Variants in MAF observed in about 807,000 individuals in gnomAD.
MAF encodes the protein MAF bZIP transcription factor.
A neutral mutation model predicts 22.0 loss-of-function variants in MAF; 10 were observed. The observed-to-expected ratio is 0.45, with a 90% CI of 0.28 to 0.77. The LOEUF is 0.77. MAF is among the 30% of genes least tolerant of loss of function. The pLI is 0.12. For synonymous variants in MAF, 337 were observed against 255.8 expected (o/e 1.32, Z -3.03); for missense variants, 544 against 548.4 (o/e 0.99, Z 0.08).
chr16:79,352,778 T>C, the MAF span, among the ~76,000 whole-genome samples: 44 of 152,236 alleles, frequency 2.9e-4, no homozygotes, highest in African/African-American at 1.0e-3. Flanking sequence ...GTGAATATTA[T>C]AGGATGTTTA....
the MAF span, among the ~76,000 whole-genome samples, chr16:79,381,565 C>T: frequency 6.6e-6 from 1 of 152,196 alleles, no homozygotes; most frequent in Non-Finnish European, 1.5e-5. Flanking sequence ...GCCCTAGATT[C>T]TGATAGATGA....
the MAF span, among the ~76,000 whole-genome samples, chr16:79,308,211 A>T: frequency 5.9e-5 from 9 of 152,246 alleles, no homozygotes; most frequent in African/African-American, 2.2e-4. Context: ...ACGGGTCCAC[A>T]TTGATCATTT....
At chr16:79,547,098 A>G in the MAF span, among the ~76,000 whole-genome samples, 1 of 152,152 alleles carries the variant, frequency 6.6e-6, no homozygotes, top group Non-Finnish European at 1.5e-5. Flanking sequence ...AATCAGACGT[A>G]TCTAGCACTG....
chr16:79,457,865 C>CTT, the MAF span, among the ~76,000 whole-genome samples: 2 of 152,004 alleles, frequency 1.3e-5, no homozygotes, highest in Non-Finnish European at 2.9e-5. Flanking sequence ...TCCACAGCTG[C>CTT]CTCCCACAGT....
chr16:79,233,804 C>G, the MAF span, among the ~76,000 whole-genome samples: 2 of 151,890 alleles, frequency 1.3e-5, no homozygotes, highest in African/African-American at 4.8e-5. Flanking sequence ...CCAGCCTGAC[C>G]AACATGGTGA....
At chr16:79,539,924 C>G in the MAF span, among the ~76,000 whole-genome samples, 3 of 152,160 alleles carry the variant, frequency 2.0e-5, no homozygotes, top group African/African-American at 7.2e-5. Context: ...TGATTTTTAG[C>G]TTTTCCTATA....
chr16:79,571,676 T>C, the MAF span, among the ~76,000 whole-genome samples: 1 of 152,020 alleles, frequency 6.6e-6, no homozygotes, highest in African/African-American at 2.4e-5. Flanking sequence ...CTCTATCCTC[T>C]GCTCTCCTAG....
chr16:79,418,718 G>A, the MAF span, among the ~76,000 whole-genome samples: 1 of 152,242 alleles, frequency 6.6e-6, no homozygotes, highest in Non-Finnish European at 1.5e-5. Flanking sequence ...CCATATGTAA[G>A]GACACAAGGT....
the MAF span, among the ~76,000 whole-genome samples, chr16:79,249,492 CCATCT>C: frequency 1.3e-5 from 2 of 151,892 alleles, no homozygotes; most frequent in Non-Finnish European, 2.9e-5. Flanking sequence ...AGAGAAAGAT[CCATCT>C]TTGGGGAACA....
At chr16:79,347,871 G>T in the MAF span, among the ~76,000 whole-genome samples, 1 of 152,160 alleles carries the variant, frequency 6.6e-6, no homozygotes, top group East Asian at 1.9e-4. Context: ...TGGGTCAAGT[G>T]CAATCACCTT....
At chr16:79,553,887 G>A in the MAF span, among the ~76,000 whole-genome samples, 2 of 152,060 alleles carry the variant, frequency 1.3e-5, no homozygotes, top group Non-Finnish European at 2.9e-5. Flanking sequence ...TCAAGAGCTC[G>A]AGACCAGCCT....
the MAF span, among the ~76,000 whole-genome samples, chr16:79,575,074 T>C: frequency 1.3e-5 from 2 of 151,622 alleles, no homozygotes; most frequent in Non-Finnish European, 2.9e-5. Context: ...CCACTAAAGG[T>C]TCTTGATTCA....
At chr16:79,300,654 C>A in the MAF span, among the ~76,000 whole-genome samples, 1 of 151,686 alleles carries the variant, frequency 6.6e-6, no homozygotes, top group Admixed American at 6.6e-5. Flanking sequence ...AAAATAAAAA[C>A]CAAATCAATT....
At chr16:79,334,540 T>C in the MAF span, among the ~76,000 whole-genome samples, 2 of 152,132 alleles carry the variant, frequency 1.3e-5, no homozygotes, top group African/African-American at 4.8e-5. Flanking sequence ...TCATTGATCT[T>C]AGGATTGTAT....
the MAF span, among the ~76,000 whole-genome samples, chr16:79,275,554 C>A: frequency 6.6e-6 from 1 of 152,212 alleles, no homozygotes; most frequent in Non-Finnish European, 1.5e-5. Flanking sequence ...GAGATGGGAT[C>A]TGAACTCAGA....
chr16:79,334,225 A>G, the MAF span, among the ~76,000 whole-genome samples: 114 of 152,344 alleles, frequency 7.5e-4, no homozygotes, highest in African/African-American at 2.7e-3. Context: ...CTAGGAAAAC[A>G]CATTGGGCTG....
chr16:79,211,557 C>A, the MAF span: 2 of 1,612,308 alleles, frequency 1.2e-6, no homozygotes, highest in South Asian at 2.2e-5. Flanking sequence ...GACGCCATCT[C>A]ATCACTCCTT....
chr16:79,350,883 G>A, the MAF span, among the ~76,000 whole-genome samples: 21 of 151,822 alleles, frequency 1.4e-4, no homozygotes, highest in Non-Finnish European at 7.4e-5. Flanking sequence ...GTGTGTGTGT[G>A]TGTGTGTGTG....
the MAF span, among the ~76,000 whole-genome samples, chr16:79,524,199 G>A: frequency 5.9e-5 from 9 of 152,306 alleles, no homozygotes; most frequent in Admixed American, 1.3e-4. Flanking sequence ...CAACGGGAGA[G>A]CAGGAGGCCT....
Sources: gnomAD v4.1 joint callset for allele counts (sites outside exome capture counted in the v4.1 genomes callset) on GRCh38, gnomAD v4.1.1 for gene constraint, MANE v1.5 for transcripts, NCBI Gene and HGNC (gene_info 2026-07-23, HGNC 2026-07-21) for gene names.